RUSF1: variants seen among roughly 807,000 people sequenced by gnomAD.
RUSF1 encodes the protein RUS family member 1.
RUSF1 carries 58 observed loss-of-function variants against 63.0 expected under a neutral mutation model. That is an observed-to-expected ratio of 0.92 (90% CI 0.75 to 1.15). The LOEUF (loss-of-function observed/expected upper bound fraction) is 1.15. Ranked by LOEUF, RUSF1 falls within the 50% of genes most tolerant of loss-of-function variation. The probability of loss-of-function intolerance (pLI) is 0.00; values close to 1 mark genes in which losing one functional copy is unlikely to be tolerated. For missense variants in RUSF1, 652 were observed against 611.0 expected (o/e 1.07, Z -0.71); for synonymous variants, 274 against 255.8 (o/e 1.07, Z -0.68).
intron 9 of RUSF1, 47 bp from the exon 10 acceptor site, chr16:31,493,095 A>C: frequency 6.3e-7 from 1 of 1,582,268 alleles, no homozygotes; most frequent in Non-Finnish European, 8.7e-7. Flanking sequence ...CAGCAAAGGC[A>C]GGCATGCCCA....
intron 5 of RUSF1, among the ~76,000 whole-genome samples, chr16:31,498,661 G>A (rs2082616884): frequency 6.6e-6 from 1 of 152,208 alleles, no homozygotes; most frequent in Non-Finnish European, 1.5e-5. Context: ...TGGAGGAAGA[G>A]TGTGCTTGAG....
intron 2 of RUSF1, among the ~76,000 whole-genome samples, chr16:31,505,649 T>A (rs1051861035): frequency 6.6e-6 from 1 of 152,130 alleles, no homozygotes; most frequent in African/African-American, 2.4e-5. Flanking sequence ...GGGATTACTG[T>A]GGCACTAGAG....
chr16:31,496,932 C>A lies in RUSF1; in HGVS notation c.619G>T (p.Gly207Cys). 1 of 1,608,508 alleles carries A rather than the reference C, an allele frequency of 6.2e-7. No individual in the cohort carries two copies. Among genetic ancestry groups the A allele is most frequent in the Non-Finnish European group, 8.5e-7 (1 of 1,177,906 alleles). ...GTCAGGGCAGCCCGAGTGGCCCCAC[C>A]AGCAACACTCACGATGCACTGGGTG... ...NLAKCIVSVA[G>C]GATRAALTVH... Residue 207 changes from glycine (G) to cysteine (C), a missense_variant, in exon 6 of 13, where the codon GGT becomes TGT. By Grantham distance (159) the Gly-to-Cys change is radical. Transcript: ENST00000327237.
At chr16:31,496,067 C>T (rs2082600508) in intron 6 of RUSF1, among the ~76,000 whole-genome samples, 1 of 152,134 alleles carries the variant, frequency 6.6e-6, no homozygotes, top group Non-Finnish European at 1.5e-5. Context: ...GTAGTACCTA[C>T]CTCAAAGGGT....
intron 2 of RUSF1, among the ~76,000 whole-genome samples, chr16:31,506,884 C>T (rs558536389): frequency 2.0e-5 from 3 of 152,178 alleles, no homozygotes; most frequent in East Asian, 3.9e-4. Context: ...CCACCGTGCC[C>T]GGCCCAGTTT....
At position 31,501,596 on chromosome 16, in the gene RUSF1, G is replaced by GA. The variant is rs1258273909; in HGVS notation, c.416-866dup. 9.8e-3 allele frequency among the ~76,000 whole-genome samples: 1,173 copies of GA among 119,968 alleles called. 10 individuals carry two copies. The highest frequency in any genetic ancestry group is 0.023 in the African/African-American group (741 of 32,698). 78.7% of individuals were successfully genotyped at this position (119,968 alleles called of 152,430 possible). On this transcript the variant is annotated intron_variant, in intron 2 of 12. Coordinates refer to ENST00000327237, the MANE Select transcript of RUSF1 (RefSeq NM_022744.4). The stretch of plus-strand genomic sequence containing the variant: ...ATGACAGAGCAAGACCCAGTCTCAG[G>GA]AAAAAAAAAAAAAAAAAGATTTGAA...
Position 31,490,706 on chromosome 16 carries a change from C to CA in RUSF1, c.*128dup, listed in dbSNP as rs1467843162. Reference sequence around the variant, plus strand: ...CTGCATCTGATTGGCAGTCACTTCCCATGAGGGCCTGGCCCACCCGCTGCA... The same window carrying CA: ...CTGCATCTGATTGGCAGTCACTTCCCAATGAGGGCCTGGCCCACCCGCTGCA... On this transcript the variant is annotated 3_prime_UTR_variant, in exon 13 of 13. Coordinates refer to ENST00000327237, the MANE Select transcript of RUSF1 (RefSeq NM_022744.4). 7.1e-4 allele frequency: 841 copies of CA among 1,190,788 alleles called. 7 individuals are homozygous for CA. The African/African-American group carries it at 0.012, about 16-fold the overall frequency. The allele number at this position is 1,190,788 out of a possible 1,614,324, so 73.8% of individuals were successfully genotyped here. A position where few individuals can be genotyped will look rare whatever the true frequency, so the allele number is the denominator to read the frequency against.
intron 2 of RUSF1, among the ~76,000 whole-genome samples, chr16:31,504,550 A>C (rs1202513144): frequency 6.6e-6 from 1 of 152,220 alleles, no homozygotes; most frequent in African/African-American, 2.4e-5. Context: ...CTGGGATTAC[A>C]GGGATGAGCC....
chr16:31,489,526 G>A lies in RUSF1; in HGVS notation c.*1309C>T, dbSNP rs2082540484. On this transcript the variant is annotated 3_prime_UTR_variant, in exon 13 of 13. Transcript: ENST00000327237. ...TACATTTATTTGAACCGGCCTGGGG[G>A]AGGCTTGATGTTGATGGGTTGGTGA... 1.6e-6 allele frequency: 1 copy of A among 638,826 alleles called. No homozygotes were observed. The highest frequency in any genetic ancestry group is 1.8e-5 in the South Asian group (1 of 54,800). The allele number at this position is 638,826 out of a possible 1,614,324, so 39.6% of individuals were successfully genotyped here.
In RUSF1 at chr16:31,499,529, T is replaced by A; in HGVS notation, c.462-4A>T. 1 of 1,595,804 alleles carries A rather than the reference T, an allele frequency of 6.3e-7. No homozygotes were observed. Among genetic ancestry groups the A allele is most frequent in the Non-Finnish European group, 8.5e-7 (1 of 1,170,936 alleles). ...GGCATTGCAGTCCAGTTTGCTCCTG[T>A]TGGGGAGGAGAGGTTGTTGTAATTT... On this transcript the variant is annotated splice_region_variant and splice_polypyrimidine_tract_variant and intron_variant, in intron 3 of 12. Coordinates refer to ENST00000327237, the MANE Select transcript of RUSF1 (RefSeq NM_022744.4).
intron 2 of RUSF1, among the ~76,000 whole-genome samples, chr16:31,507,516 G>C (rs1292172760): frequency 6.6e-6 from 1 of 152,272 alleles, no homozygotes; most frequent in Non-Finnish European, 1.5e-5. Flanking sequence ...GACGGGATTT[G>C]GGATCCAGAT....
Position 31,493,884 on chromosome 16 carries a change from A to G in RUSF1, c.755T>C (p.Leu252Pro). 6.2e-7 allele frequency: 1 copy of G among 1,614,178 alleles called. No homozygotes were observed. Among genetic ancestry groups the G allele is most frequent in the Non-Finnish European group, 8.5e-7 (1 of 1,180,030 alleles). ...GLLVSLLMLP[L>P]VSGCPGFSLG... Reference sequence around the variant, plus strand: ...GGCTTACCCAGGGCAACCTGACACCAGAGGGAGCATCAGGAGGCTGACCAA... The same window carrying G: ...GGCTTACCCAGGGCAACCTGACACCGGAGGGAGCATCAGGAGGCTGACCAA... The change falls in exon 7 of 13, where the codon CTG (leucine) becomes CCG (proline). Residue 252 changes from leucine to proline, a missense_variant. Coordinates refer to ENST00000327237, the MANE Select transcript of RUSF1 (RefSeq NM_022744.4).
chr16:31,505,702 G>C (rs569464878), intron 2 of RUSF1, among the ~76,000 whole-genome samples: 1 of 152,326 alleles, frequency 6.6e-6, no homozygotes, highest in African/African-American at 2.4e-5. Context: ...GCAGTTTATA[G>C]AATCCAAGAG....
At position 31,489,548 on chromosome 16, in the gene RUSF1, GT is replaced by G; in HGVS notation, c.*1286del. 1.6e-6 allele frequency: 1 copy of G among 616,896 alleles called. No individual in the cohort carries two copies. Among genetic ancestry groups the G allele is most frequent in the Admixed American group, 2.6e-5 (1 of 37,830 alleles). 38.2% of individuals were successfully genotyped at this position (616,896 alleles called of 1,614,324 possible). A position where few individuals can be genotyped will look rare whatever the true frequency, so the allele number is the denominator to read the frequency against. ...GGGGAGGCTTGATGTTGATGGGTTG[GT>G]GATTAAAGCCTCCCAAAGCCAATCC... On this transcript the variant is annotated 3_prime_UTR_variant, in exon 13 of 13. Transcript: ENST00000327237.
chr16:31,505,790 C>T (rs1226002203), intron 2 of RUSF1, among the ~76,000 whole-genome samples: 2 of 152,194 alleles, frequency 1.3e-5, no homozygotes, highest in Non-Finnish European at 2.9e-5. Flanking sequence ...TCCAGCAGAA[C>T]ACTTCCTCAT....
At chr16:31,503,634 G>C (rs1004228360) in intron 2 of RUSF1, among the ~76,000 whole-genome samples, 38 of 152,220 alleles carry the variant, frequency 2.5e-4, no homozygotes, top group Admixed American at 2.4e-3. Context: ...AATCCTAATT[G>C]AGAGCTTCTT....
Position 31,490,239 on chromosome 16 carries a change from C to A in RUSF1, c.*596G>T, listed in dbSNP as rs754037246. The A allele has an allele frequency of 1.2e-6, 2 of 1,613,992 alleles. No homozygotes were observed. Among genetic ancestry groups the A allele is most frequent in the Non-Finnish European group, 1.7e-6 (2 of 1,180,000 alleles). On this transcript the variant is annotated 3_prime_UTR_variant, in exon 13 of 13. Transcript: ENST00000327237. ...TGCCATGGAGATGAATGGTAGGGCACCATGCTGGGAGGTGGGGCTGGAGGA... is the reference window on the plus strand; with the variant it reads ...TGCCATGGAGATGAATGGTAGGGCAACATGCTGGGAGGTGGGGCTGGAGGA...
In RUSF1 at chr16:31,507,765, T is replaced by C. The variant is rs150109675; in HGVS notation, c.414A>G (p.Lys138=). The C allele has an allele frequency of 9.0e-5, 141 of 1,562,024 alleles. No individual in the cohort carries two copies. Among genetic ancestry groups the C allele is most frequent in the Non-Finnish European group, 1.2e-4 (137 of 1,152,698 alleles). The change falls in exon 2 of 13, where the codon AAA becomes AAG. Residue 138 remains lysine, a splice_region_variant and synonymous_variant. Coordinates refer to ENST00000327237, the MANE Select transcript of RUSF1 (RefSeq NM_022744.4). The stretch of plus-strand genomic sequence containing the variant: ...TGAGGCTCCAGGGGTGCAGCTCACC[T>C]TTCACGAGCCAGGTGGCCGTGGCAG... ...VSAATATWLV[K]DSTGMLGRIV...
At chr16:31,495,568 G>C (rs1253292884) in intron 6 of RUSF1, among the ~76,000 whole-genome samples, 3 of 152,140 alleles carry the variant, frequency 2.0e-5, no homozygotes, top group African/African-American at 7.2e-5. Context: ...GGGTTAGGGG[G>C]AGGTCTGGGG....
Sources: gnomAD v4.1 joint callset for allele counts (sites outside exome capture counted in the v4.1 genomes callset) on GRCh38, gnomAD v4.1.1 for gene constraint, MANE v1.5 for transcripts, NCBI Gene and HGNC (gene_info 2026-07-23, HGNC 2026-07-21) for gene names.